LRRTM4: variants seen among roughly 807,000 people sequenced by gnomAD.
LRRTM4 encodes the protein leucine rich repeat transmembrane neuronal 4, also known as leucine-rich repeat transmembrane neuronal protein 4.
LRRTM4 carries 25 observed loss-of-function variants against 47.6 expected under a neutral mutation model. That is an observed-to-expected ratio of 0.53 (90% CI 0.38 to 0.73). The LOEUF is 0.73. Among genes scored for constraint, LRRTM4 ranks in the 30% least tolerant of loss-of-function variants. The pLI is 0.00. For synonymous variants in LRRTM4, 311 were observed against 269.5 expected (o/e 1.15, Z -1.51); for missense variants, 638 against 713.4 (o/e 0.89, Z 1.20).
At position 76,806,139 on chromosome 2, in the gene LRRTM4, A is replaced by G. The variant is rs1573140824; in HGVS notation, c.1552-57223T>C. Among the ~76,000 whole-genome samples, 5 of 152,316 alleles carry G rather than the reference A, an allele frequency of 3.3e-5. No homozygotes were observed. The East Asian group carries it at 9.6e-4, about 29-fold the overall frequency. ...ACATATTTAAGCACAATAAGAATTC[A>G]GTTTTCAATGAGGTTGATATTTCAA... On this transcript the variant is annotated intron_variant, in intron 3 of 3. Transcript: ENST00000409884.
rs894393334 is a variant in LRRTM4 at position 76,798,096 on chromosome 2, A to G, written c.1552-49180T>C. On this transcript the variant is annotated intron_variant, in intron 3 of 3. Transcript: ENST00000409884. ...AATTGAACTCAGCTCTGCAGCAAGC[A>G]GACCTAATAGACATCTACTGAACTC... Among the ~76,000 whole-genome samples, 1,338 of 150,470 alleles carry G rather than the reference A, an allele frequency of 8.9e-3. 19 individuals are homozygous for G. Among genetic ancestry groups the G allele is most frequent in the African/African-American group, 0.031 (1,228 of 39,952 alleles).
At chr2:76,785,633 AG>A (rs1401911097) in intron 3 of LRRTM4, among the ~76,000 whole-genome samples, 1 of 152,144 alleles carries the variant, frequency 6.6e-6, no homozygotes, top group Non-Finnish European at 1.5e-5. Flanking sequence ...GGCCATAAGT[AG>A]GGTAAGTAGC....
At chr2:77,298,939 G>A (rs1677047332) in intron 3 of LRRTM4, among the ~76,000 whole-genome samples, 1 of 152,012 alleles carries the variant, frequency 6.6e-6, no homozygotes, top group Admixed American at 6.5e-5. Flanking sequence ...TATTGATCAA[G>A]CTCTATGAGA....
At chr2:77,380,844 G>A (rs948248301) in intron 3 of LRRTM4, among the ~76,000 whole-genome samples, 4 of 151,374 alleles carry the variant, frequency 2.6e-5, no homozygotes, top group Admixed American at 1.3e-4. Flanking sequence ...AATTAAGTTC[G>A]TATGTATTTT....
chr2:77,457,841 C>T (rs1300582203), intron 3 of LRRTM4, among the ~76,000 whole-genome samples: 1 of 152,116 alleles, frequency 6.6e-6, no homozygotes, highest in African/African-American at 2.4e-5. Flanking sequence ...ACCTTCTTAT[C>T]ATCATGCCTC....
At position 76,989,021 on chromosome 2, in the gene LRRTM4, ACTTCAAGCAT is replaced by A. The variant is rs1252196143; in HGVS notation, c.1552-240115_1552-240106del. On this transcript the variant is annotated intron_variant, in intron 3 of 3. Transcript: ENST00000409884. ...AAAAATGTGTCTTTTCTTAACTTTT[ACTTCAAGCAT>A]CTTATCAAATAATTTTTCCCAACAA... 7.0e-4 allele frequency among the ~76,000 whole-genome samples: 106 copies of A among 152,010 alleles called. 2 individuals are homozygous for A. Among genetic ancestry groups the A allele is most frequent in the Non-Finnish European group, 1.8e-4 (12 of 67,896 alleles).
intron 3 of LRRTM4, among the ~76,000 whole-genome samples, chr2:76,834,023 T>TTTAC (rs765451568): frequency 1.1e-5 from 1 of 94,420 alleles, no homozygotes. Flanking sequence ...TTATTTATTA[T>TTTAC]TTATTTATTT....
intron 3 of LRRTM4, among the ~76,000 whole-genome samples, chr2:77,252,462 G>A (rs564120100): frequency 2.6e-5 from 4 of 152,244 alleles, no homozygotes; most frequent in East Asian, 1.9e-4. Context: ...GAAGACCCAT[G>A]CTATACTTGC....
At chr2:77,103,430 C>T (rs1671008859) in intron 3 of LRRTM4, among the ~76,000 whole-genome samples, 1 of 151,888 alleles carries the variant, frequency 6.6e-6, no homozygotes, top group Admixed American at 6.6e-5. Context: ...AAAGAATTCC[C>T]CATAGTGTGA....
chr2:77,042,137 T>C (rs1679055846), intron 3 of LRRTM4, among the ~76,000 whole-genome samples: 1 of 151,700 alleles, frequency 6.6e-6, no homozygotes, highest in South Asian at 2.1e-4. Flanking sequence ...GATAATAGTA[T>C]TATATCACTC....
intron 3 of LRRTM4, among the ~76,000 whole-genome samples, chr2:77,421,374 T>C (rs574761361): frequency 2.4e-4 from 36 of 152,298 alleles, no homozygotes; most frequent in Non-Finnish European, 4.1e-4. Context: ...GATACCATTT[T>C]AGTTGTCACA....
intron 3 of LRRTM4, among the ~76,000 whole-genome samples, chr2:76,801,076 T>C (rs1675649923): frequency 6.6e-6 from 1 of 150,776 alleles, no homozygotes; most frequent in South Asian, 2.1e-4. Flanking sequence ...GACTGTAAAC[T>C]AGTTCGACCA....
At chr2:77,043,911 A>AT (rs200387608) in intron 3 of LRRTM4, among the ~76,000 whole-genome samples, 18,102 of 147,616 alleles carry the variant, frequency 0.12, 1,353 homozygotes, top group East Asian at 0.27. Flanking sequence ...AGGTAAAAAC[A>AT]TTTTTTTTTT....
chr2:77,485,887 C>T (rs1005603770), intron 3 of LRRTM4, among the ~76,000 whole-genome samples: 12 of 147,760 alleles, frequency 8.1e-5, no homozygotes, highest in African/African-American at 2.8e-4. Context: ...TGCACCACCA[C>T]AGTCGGCTAA....
In LRRTM4 at chr2:77,518,420, C is replaced by T. The variant is rs1268625744; in HGVS notation, c.1449G>A (p.Glu483=). ...SERQMNSPLQ[E]YYVDYKPTNS... ...TTGTAGGCTTGTAGTCCACATAATA[C>T]TCCTGTAAAGGGGAATTCATTTGTC... The change falls in exon 3 of 4, where the codon GAG becomes GAA. Residue 483 remains glutamate (E), a synonymous_variant. Transcript: ENST00000409884. 12 of 1,613,166 alleles carry T rather than the reference C, an allele frequency of 7.4e-6. No individual in the cohort carries two copies. The highest frequency in any genetic ancestry group is 1.0e-5 in the Non-Finnish European group (12 of 1,179,526).
At chr2:77,399,586 G>T (rs555117065) in intron 3 of LRRTM4, among the ~76,000 whole-genome samples, 1 of 151,640 alleles carries the variant, frequency 6.6e-6, no homozygotes, top group East Asian at 1.9e-4. Flanking sequence ...ACAACAATGT[G>T]GATCTTTAGT....
At chr2:77,475,439 C>CTT (rs1290515508) in intron 3 of LRRTM4, among the ~76,000 whole-genome samples, 1 of 151,926 alleles carries the variant, frequency 6.6e-6, no homozygotes, top group Non-Finnish European at 1.5e-5. Flanking sequence ...GGCTAAAATA[C>CTT]TTTTTACAAA....
Position 76,845,904 on chromosome 2 carries a change from G to C in LRRTM4, c.1552-96988C>G, listed in dbSNP as rs76463310. Among the ~76,000 whole-genome samples the C allele has an allele frequency of 7.2e-5, 11 of 152,204 alleles. No homozygotes were observed. In the East Asian group the frequency reaches 1.7e-3, roughly 24 times the overall value. On this transcript the variant is annotated intron_variant, in intron 3 of 3. Coordinates refer to ENST00000409884, the MANE Select transcript of LRRTM4 (RefSeq NM_001134745.3). ...AGCTCTGAAAATCTGGAACAAAGGT[G>C]ATAAAACAGGGAATACAGTTGATCT...
chr2:77,317,498 G>A (rs894368754), intron 3 of LRRTM4, among the ~76,000 whole-genome samples: 9 of 152,030 alleles, frequency 5.9e-5, no homozygotes, highest in African/African-American at 1.5e-4. Flanking sequence ...CATAAATTGT[G>A]TTATCTCTGA....
Sources: gnomAD v4.1 joint callset for allele counts (sites outside exome capture counted in the v4.1 genomes callset) on GRCh38, gnomAD v4.1.1 for gene constraint, MANE v1.5 for transcripts, NCBI Gene and HGNC (gene_info 2026-07-23, HGNC 2026-07-21) for gene names.